The following MOSMO variants were observed in gnomAD, a reference collection of about 807,000 sequenced individuals.
MOSMO encodes modulator of smoothened, also known as modulator of smoothened protein.
A neutral mutation model predicts 18.4 loss-of-function variants in MOSMO; 5 were observed. The observed-to-expected ratio is 0.27, with a 90% CI of 0.14 to 0.57. The LOEUF is 0.57. Among genes scored for constraint, MOSMO ranks in the 20% least tolerant of loss-of-function variants. The pLI is 0.92. For missense variants in MOSMO, 138 were observed against 211.8 expected (o/e 0.65, Z 2.16); for synonymous variants, 82 against 82.3 (o/e 1.00, Z 0.02).
chr16:22,037,412 C>G (rs1398761175), intron 1 of MOSMO, among the ~76,000 whole-genome samples: 3 of 152,310 alleles, frequency 2.0e-5, no homozygotes, highest in Middle Eastern at 3.4e-3. Context: ...TCTCACAACA[C>G]GGAAAACTTC....
intron 1 of MOSMO, among the ~76,000 whole-genome samples, chr16:22,048,755 C>T (rs1900364320): frequency 6.6e-6 from 1 of 151,880 alleles, no homozygotes; most frequent in Admixed American, 6.6e-5. Context: ...TTTTGTGGAT[C>T]AGTTTTTTTC....
chr16:22,073,454 T>C lies in MOSMO; in HGVS notation c.107-2033T>C, dbSNP rs1313123536. 2.0e-5 allele frequency among the ~76,000 whole-genome samples: 3 copies of C among 151,772 alleles called. No individual in the cohort carries two copies. In the East Asian group the frequency reaches 5.8e-4, roughly 29 times the overall value. ...TCTTTTGCTGAATGATCAGGAGGAG[T>C]TTCCTGTTAAGAGTTCTCGAGCACT... On this transcript the variant is annotated intron_variant, in intron 1 of 2. Transcript: ENST00000542527.
intron 1 of MOSMO, among the ~76,000 whole-genome samples, chr16:22,032,751 T>C (rs540228063): frequency 1.3e-5 from 2 of 152,246 alleles, no homozygotes; most frequent in African/African-American, 4.8e-5. Flanking sequence ...TCTTGCCATC[T>C]TGCCCAGGCC....
chr16:22,059,386 C>CCAGATA (rs1900600390), intron 1 of MOSMO, among the ~76,000 whole-genome samples: 1 of 152,060 alleles, frequency 6.6e-6, no homozygotes, highest in Admixed American at 6.5e-5. Flanking sequence ...AGATAATAAA[C>CCAGATA]GTTTATTATT....
downstream of MOSMO, chr16:22,085,249 C>T (rs925053714): frequency 1.3e-5 from 2 of 152,100 alleles, no homozygotes; most frequent in Non-Finnish European, 2.9e-5. Flanking sequence ...TGAGGAGCCT[C>T]CTGGGGAATT....
intron 1 of MOSMO, among the ~76,000 whole-genome samples, chr16:22,061,513 T>G (rs947802458): frequency 2.0e-5 from 3 of 152,204 alleles, no homozygotes; most frequent in African/African-American, 7.2e-5. Context: ...TTTTTAACTT[T>G]CTGTGGATGT....
chr16:22,046,968 A>G (rs963315107), intron 1 of MOSMO, among the ~76,000 whole-genome samples: 2 of 152,164 alleles, frequency 1.3e-5, no homozygotes, highest in African/African-American at 2.4e-5. Flanking sequence ...AATGCATTCT[A>G]CATTTTAAAA....
chr16:22,009,729 G>T (rs1391301598), intron 1 of MOSMO, among the ~76,000 whole-genome samples: 1 of 149,160 alleles, frequency 6.7e-6, no homozygotes, highest in Non-Finnish European at 1.5e-5. Context: ...GGGAGGCCGA[G>T]GCGGGCGGAT....
At chr16:22,076,985 T>C (rs1482207355) in intron 2 of MOSMO, among the ~76,000 whole-genome samples, 1 of 152,228 alleles carries the variant, frequency 6.6e-6, no homozygotes, top group African/African-American at 2.4e-5. Context: ...ACAATTCTTT[T>C]CTGGAGAGAG....
Position 22,077,692 on chromosome 16 carries a change from C to T in MOSMO, c.319+1993C>T, listed in dbSNP as rs556725863. 3.6e-4 allele frequency among the ~76,000 whole-genome samples: 55 copies of T among 152,098 alleles called. 1 individual carries two copies. The Middle Eastern group carries it at 0.017, about 47-fold the overall frequency. ...TTCATTTAAGCAAGCATAGAGCTCC[C>T]CCATATCCCGTGACAGCCCCACCGA... On this transcript the variant is annotated intron_variant, in intron 2 of 2. Transcript: ENST00000542527.
At chr16:22,073,382 T>A (rs797015489) in intron 1 of MOSMO, among the ~76,000 whole-genome samples, 6 of 152,310 alleles carry the variant, frequency 3.9e-5, no homozygotes, top group African/African-American at 1.4e-4. Context: ...AGCAGTTACA[T>A]CTTTTATAAA....
At chr16:22,011,607 G>A (rs1298769243) in intron 1 of MOSMO, among the ~76,000 whole-genome samples, 3 of 152,164 alleles carry the variant, frequency 2.0e-5, no homozygotes, top group Non-Finnish European at 2.9e-5. Flanking sequence ...GCAGGGGATC[G>A]TAGGCACAAG....
chr16:22,018,442 C>T (rs903042014), intron 1 of MOSMO, among the ~76,000 whole-genome samples: 3 of 152,156 alleles, frequency 2.0e-5, no homozygotes, highest in Non-Finnish European at 2.9e-5. Flanking sequence ...TTTAAGGCCA[C>T]TTAGACTGTC....
chr16:22,072,764 G>A (rs1900883097), intron 1 of MOSMO, among the ~76,000 whole-genome samples: 1 of 148,340 alleles, frequency 6.7e-6, no homozygotes, highest in Non-Finnish European at 1.5e-5. Flanking sequence ...GTGATATCGC[G>A]CCACTGCACT....
At chr16:22,024,140 T>C (rs926773371) in intron 1 of MOSMO, among the ~76,000 whole-genome samples, 22 of 152,092 alleles carry the variant, frequency 1.4e-4, no homozygotes, top group South Asian at 4.2e-4. Context: ...ATTGAAATCC[T>C]GGATCTAGAT....
Position 22,008,220 on chromosome 16 carries a change from C to A in MOSMO, c.-82C>A. 2 of 726,918 alleles carry A rather than the reference C, an allele frequency of 2.8e-6. No individual in the cohort carries two copies. The highest frequency in any genetic ancestry group is 3.9e-6 in the Non-Finnish European group (2 of 514,888). The allele number at this position is 726,918 out of a possible 1,614,324, so 45.0% of individuals were successfully genotyped here. A position where few individuals can be genotyped will look rare whatever the true frequency, so the allele number is the denominator to read the frequency against. On this transcript the variant is annotated 5_prime_UTR_variant, in exon 1 of 3. Transcript: ENST00000542527. ...GAGGCAGCGGCGCGGGGACTCCGGGCCCCGGCGGCGGCCCATGGGGCGGGA... is the reference window on the plus strand; with the variant it reads ...GAGGCAGCGGCGCGGGGACTCCGGGACCCGGCGGCGGCCCATGGGGCGGGA...
At chr16:22,073,132 G>A (rs372921554) in intron 1 of MOSMO, among the ~76,000 whole-genome samples, 2 of 152,096 alleles carry the variant, frequency 1.3e-5, no homozygotes, top group South Asian at 4.1e-4. Flanking sequence ...CATTTCTAAC[G>A]CTGAGAGAGT....
chr16:22,038,521 A>G (rs116153167), intron 1 of MOSMO, among the ~76,000 whole-genome samples: 89 of 152,304 alleles, frequency 5.8e-4, no homozygotes, highest in African/African-American at 2.1e-3. Flanking sequence ...GACATGAGGA[A>G]AGGAAGTGAG....
intron 1 of MOSMO, among the ~76,000 whole-genome samples, chr16:22,055,630 TG>T (rs1900517736): frequency 6.6e-6 from 1 of 152,240 alleles, no homozygotes; most frequent in African/African-American, 2.4e-5. Context: ...TTCTTTATGA[TG>T]GATGGTAAAG....
Sources: allele counts gnomAD v4.1 joint callset (sites outside exome capture counted in the v4.1 genomes callset), GRCh38; gene constraint gnomAD v4.1.1; transcripts MANE v1.5; gene names NCBI Gene and HGNC (gene_info 2026-07-23, HGNC 2026-07-21).